Variants in FANCL observed in about 807,000 individuals in gnomAD.
FANCL encodes the protein FA complementation group L.
Under a neutral mutation model 59.4 loss-of-function variants are expected in FANCL, and 69 were observed. That is an observed-to-expected ratio of 1.16 (90% confidence interval 0.96 to 1.42). The LOEUF (loss-of-function observed/expected upper bound fraction) is 1.42. Among genes scored for constraint, FANCL ranks in the 40% most tolerant of loss-of-function variants. FANCL has a pLI of 0.00. For missense variants in FANCL, 519 were observed against 447.2 expected, an observed-to-expected ratio of 1.16 and a Z score of -1.45; for synonymous variants, 180 against 147.1, an observed-to-expected ratio of 1.22 and a Z score of -1.62.
chr2:58,165,739 G>C lies in FANCL; in HGVS notation c.676C>G (p.Arg226Gly). Residue 226 changes from arginine (R) to glycine (G), a missense_variant, in exon 8 of 14, where the codon CGC becomes GGC. Physicochemically the swap from Arg to Gly is moderately radical, Grantham distance 125. Coordinates refer to ENST00000233741, the MANE Select transcript of FANCL (RefSeq NM_018062.4). ...PEKPPRSATA[R>G]RIALGNNVSI... The stretch of plus-strand genomic sequence containing the variant: ...TTGTCCCTACCTAATGCAATTCTGC[G>C]TGCTGTTGCACTCCGTGGAGGTTTT... 1.2e-6 allele frequency: 2 copies of C among 1,614,012 alleles called. No homozygotes were observed. Among genetic ancestry groups the C allele is most frequent in the Non-Finnish European group, 1.7e-6 (2 of 1,179,970 alleles).
At chr2:58,173,460 G>C (rs1323352651) in intron 7 of FANCL, among the ~76,000 whole-genome samples, 1 of 152,204 alleles carries the variant, frequency 6.6e-6, no homozygotes, top group Admixed American at 6.5e-5. Context: ...CTACAAGCCA[G>C]AAGAGAGTGG....
intron 7 of FANCL, among the ~76,000 whole-genome samples, chr2:58,174,812 G>C (rs1687108330): frequency 6.6e-6 from 1 of 152,130 alleles, no homozygotes; most frequent in Non-Finnish European, 1.5e-5. Flanking sequence ...AGGAAATAGA[G>C]ACACAAAAGA....
chr2:58,210,703 T>C (rs1458808462), intron 5 of FANCL, among the ~76,000 whole-genome samples: 1 of 152,132 alleles, frequency 6.6e-6, no homozygotes, highest in Non-Finnish European at 1.5e-5. Flanking sequence ...AACAGGGGTA[T>C]AGGCATTCGA....
chr2:58,176,594 C>T (rs1032257140), intron 7 of FANCL, among the ~76,000 whole-genome samples: 42 of 152,156 alleles, frequency 2.8e-4, no homozygotes, highest in South Asian at 4.1e-4. Context: ...AAGCTGAAAC[C>T]GGATCCCTTC....
intron 7 of FANCL, among the ~76,000 whole-genome samples, chr2:58,173,414 C>T (rs1457449520): frequency 1.3e-5 from 2 of 152,144 alleles, no homozygotes; most frequent in African/African-American, 4.8e-5. Flanking sequence ...CAAAGGGAAG[C>T]CCATCAGACT....
chr2:58,231,533 T>C (rs1693576394), intron 2 of FANCL, among the ~76,000 whole-genome samples: 1 of 152,192 alleles, frequency 6.6e-6, no homozygotes, highest in African/African-American at 2.4e-5. Flanking sequence ...TAAATATCTC[T>C]GGATTCCTTT....
At chr2:58,171,109 T>A (rs1322602920) in intron 7 of FANCL, among the ~76,000 whole-genome samples, 1 of 152,144 alleles carries the variant, frequency 6.6e-6, no homozygotes, top group Non-Finnish European at 1.5e-5. Flanking sequence ...CTTTTAAAAC[T>A]GATCACAAAA....
At position 58,197,937 on chromosome 2, in the gene FANCL, T is replaced by C. The variant is rs1330760065; in HGVS notation, c.540+657A>G. On this transcript the variant is annotated intron_variant, in intron 7 of 13. Coordinates refer to ENST00000233741, the MANE Select transcript of FANCL (RefSeq NM_018062.4). The stretch of plus-strand genomic sequence containing the variant: ...TTACCATTCACTGCTTTCTACAGAG[T>C]TCTTTGGAATTTAAATTTAAAGGAA... Among the ~76,000 whole-genome samples the C allele has an allele frequency of 2.0e-5, 3 of 152,094 alleles. No individual in the cohort carries two copies. The East Asian group carries it at 5.8e-4, about 29-fold the overall frequency.
chr2:58,224,962 T>C (rs992917430), intron 4 of FANCL, among the ~76,000 whole-genome samples: 22 of 151,914 alleles, frequency 1.4e-4, no homozygotes, highest in South Asian at 4.1e-4. Context: ...AGTTTCCAGA[T>C]TGAGGCATCC....
intron 7 of FANCL, among the ~76,000 whole-genome samples, chr2:58,173,132 C>T (rs1686856121): frequency 6.6e-6 from 1 of 152,126 alleles, no homozygotes; most frequent in South Asian, 2.1e-4. Flanking sequence ...AAATATGGCA[C>T]CATGTGAAAA....
At chr2:58,211,492 C>T (rs1327690489) in intron 5 of FANCL, among the ~76,000 whole-genome samples, 4 of 152,214 alleles carry the variant, frequency 2.6e-5, no homozygotes, top group Non-Finnish European at 5.9e-5. Flanking sequence ...TCCCCATTAT[C>T]TTGGGGACTA....
At chr2:58,182,453 C>T (rs1247853953) in intron 7 of FANCL, among the ~76,000 whole-genome samples, 2 of 151,836 alleles carry the variant, frequency 1.3e-5, no homozygotes, top group Non-Finnish European at 2.9e-5. Flanking sequence ...CCCTTAAGAA[C>T]ATTTTCATCA....
chr2:58,221,693 T>G (rs1291265244), intron 5 of FANCL, among the ~76,000 whole-genome samples: 1 of 152,208 alleles, frequency 6.6e-6, no homozygotes, highest in Non-Finnish European at 1.5e-5. Flanking sequence ...AAAGTATCTA[T>G]TACGGTAACA....
intron 1 of FANCL, among the ~76,000 whole-genome samples, chr2:58,236,808 C>G (rs1264967810): frequency 6.6e-6 from 1 of 151,892 alleles, no homozygotes; most frequent in African/African-American, 2.4e-5. Flanking sequence ...AAGATGCAAT[C>G]TATATGTTAA....
intron 7 of FANCL, among the ~76,000 whole-genome samples, chr2:58,170,817 G>T (rs183021299): frequency 1.6e-4 from 25 of 152,054 alleles, no homozygotes; most frequent in Non-Finnish European, 2.9e-4. Flanking sequence ...GCAACAAGGA[G>T]AGCTAACAAT....
chr2:58,186,797 C>T (rs1467848380), intron 7 of FANCL, among the ~76,000 whole-genome samples: 2 of 152,186 alleles, frequency 1.3e-5, no homozygotes, highest in East Asian at 3.8e-4. Flanking sequence ...TGTCAACATA[C>T]ACCACCACGA....
intron 7 of FANCL, among the ~76,000 whole-genome samples, chr2:58,186,728 G>A (rs1688439078): frequency 6.6e-6 from 1 of 152,128 alleles, no homozygotes; most frequent in South Asian, 2.1e-4. Context: ...TGGTCTTACA[G>A]CATTAGAAAA....
intron 7 of FANCL, among the ~76,000 whole-genome samples, chr2:58,188,580 C>T (rs1386807317): frequency 6.6e-6 from 1 of 151,778 alleles, no homozygotes; most frequent in Non-Finnish European, 1.5e-5. Context: ...TGGGGGACTA[C>T]AGACACGTTG....
At chr2:58,222,684 C>T (rs1469547078) in intron 4 of FANCL, among the ~76,000 whole-genome samples, 2 of 151,956 alleles carry the variant, frequency 1.3e-5, no homozygotes, top group Non-Finnish European at 2.9e-5. Context: ...AAATTTTTTA[C>T]AAGACACATA....
Sources: allele counts gnomAD v4.1 joint callset (sites outside exome capture counted in the v4.1 genomes callset), GRCh38; gene constraint gnomAD v4.1.1; transcripts MANE v1.5; gene names NCBI Gene and HGNC (gene_info 2026-07-23, HGNC 2026-07-21).